Variants in ZNF716 observed in about 807,000 individuals in gnomAD.
The protein encoded by ZNF716 is zinc finger protein 716.
A neutral mutation model predicts 13.4 loss-of-function variants in ZNF716; 9 were observed. The observed-to-expected ratio is 0.67, with a 90% CI of 0.41 to 1.18. The LOEUF is 1.18. Among genes scored for constraint, ZNF716 ranks in the 50% most tolerant of loss-of-function variants. The probability of loss-of-function intolerance (pLI) is 0.01; values close to 1 mark genes in which losing one functional copy is unlikely to be tolerated. For synonymous variants in ZNF716, 186 were observed against 195.2 expected (o/e 0.95, Z 0.39); for missense variants, 581 against 576.6 (o/e 1.01, Z -0.08).
intron 2 of ZNF716, 102 bp downstream of exon 2, chr7:57,462,688 C>A (rs1340984726): frequency 3.0e-6 from 4 of 1,336,720 alleles, no homozygotes; most frequent in African/African-American, 2.9e-5. Flanking sequence ...TTTAGCTCTC[C>A]AGTTTTAAGA....
At chr7:57,450,437 G>A (rs1789465530) in intron 1 of ZNF716, 110 bp downstream of exon 1, 8 of 1,586,938 alleles carry the variant, frequency 5.0e-6, no homozygotes, top group Non-Finnish European at 6.9e-6. Flanking sequence ...GGAGTCTGAG[G>A]ACCCAAATCC....
Position 57,473,523 on chromosome 7 carries a change from A to AT in ZNF716, c.*3574_*3575insT, listed in dbSNP as rs11434840. Reference sequence around the variant, plus strand: ...TGAAAGAGCGAGAAACCATCTCAAAAAAAAAAATAAATAAATAAAAGATAT... The same window carrying AT: ...TGAAAGAGCGAGAAACCATCTCAAAATAAAAAAATAAATAAATAAAAGATAT... On this transcript the variant is annotated 3_prime_UTR_variant, in exon 4 of 4. Coordinates refer to ENST00000420713, the MANE Select transcript of ZNF716 (RefSeq NM_001159279.1). 0.38 allele frequency: 58,030 copies of AT among 151,594 alleles called. 11,277 individuals carry two copies. Among genetic ancestry groups the AT allele is most frequent in the East Asian group, 0.51 (2,639 of 5,148 alleles). The allele number at this position is 151,594 out of a possible 1,614,324, so 9.4% of individuals were successfully genotyped here. A position where few individuals can be genotyped will look rare whatever the true frequency, so the allele number is the denominator to read the frequency against.
Position 57,470,067 on chromosome 7 carries a change from CATAAG to C in ZNF716, c.*123_*127del. On this transcript the variant is annotated 3_prime_UTR_variant, in exon 4 of 4. Coordinates refer to ENST00000420713, the MANE Select transcript of ZNF716 (RefSeq NM_001159279.1). ...TAACCAGTTCCAAACCACTGCTGTC[CATAAG>C]ATAATTCATATTGGACAAAAGTCTT... is the stretch of plus-strand genomic sequence containing the variant. 1 of 983,718 alleles carries C rather than the reference CATAAG, an allele frequency of 1.0e-6. No homozygotes were observed. Among genetic ancestry groups the C allele is most frequent in the South Asian group, 2.0e-5 (1 of 50,000 alleles). The allele number at this position is 983,718 out of a possible 1,614,324, so 60.9% of individuals were successfully genotyped here.
At position 57,459,988 on chromosome 7, in the gene ZNF716, G is replaced by T. The variant is rs1167446159; in HGVS notation, c.40-2472G>T. Among the ~76,000 whole-genome samples the T allele has an allele frequency of 5.2e-5, 6 of 114,774 alleles. No homozygotes were observed. The Admixed American group carries it at 5.7e-4, about 11-fold the overall frequency. 75.3% of individuals were successfully genotyped at this position (114,774 alleles called of 152,430 possible). On this transcript the variant is annotated intron_variant, in intron 1 of 3. Coordinates refer to ENST00000420713, the MANE Select transcript of ZNF716 (RefSeq NM_001159279.1). ...TGCTTTAAAGGCATATTCTCAAGATGCAGGTTTGATATGTTCCAGAGCATC... is the reference window on the plus strand; with the variant it reads ...TGCTTTAAAGGCATATTCTCAAGATTCAGGTTTGATATGTTCCAGAGCATC...
intron 1 of ZNF716, among the ~76,000 whole-genome samples, chr7:57,451,491 A>C (rs1343924380): frequency 4.1e-5 from 5 of 123,344 alleles, no homozygotes; most frequent in African/African-American, 1.6e-4. Flanking sequence ...AATGTTGCCC[A>C]AGCTGGAGTT....
At chr7:57,458,444 T>G (rs1789643684) in intron 1 of ZNF716, among the ~76,000 whole-genome samples, 1 of 151,958 alleles carries the variant, frequency 6.6e-6, no homozygotes, top group Non-Finnish European at 1.5e-5. Flanking sequence ...TTTTCTGACA[T>G]GGAGTTTCAC....
Position 57,469,522 on chromosome 7 carries a change from G to A in ZNF716, c.1061G>A (p.Cys354Tyr). Residue 354 changes from cysteine (C) to tyrosine (Y), a missense_variant, in exon 4 of 4, where the codon TGT becomes TAT. By Grantham distance (194) the Cys-to-Tyr change is radical. Transcript: ENST00000420713. ...CATACTGGGGAGAAACTCTACACATGTGAAGAATGTGGGAAAGCCTTTACC... is the reference window on the plus strand; with the variant it reads ...CATACTGGGGAGAAACTCTACACATATGAAGAATGTGGGAAAGCCTTTACC... Reference protein sequence around the residue: ...IVHTGEKLYTCEECGKAFTFS... With the variant: ...IVHTGEKLYTYEECGKAFTFS... The A allele has an allele frequency of 1.2e-6, 2 of 1,610,630 alleles. No individual in the cohort carries two copies. The highest frequency in any genetic ancestry group is 1.7e-6 in the Non-Finnish European group (2 of 1,178,318).
rs543068955 is a variant in ZNF716, at chr7:57,470,659, A to G, written c.*710A>G. On this transcript the variant is annotated 3_prime_UTR_variant, in exon 4 of 4. Coordinates refer to ENST00000420713, the MANE Select transcript of ZNF716 (RefSeq NM_001159279.1). ...ATGGAAATGTCTTTTAAAAGTCCTC[A>G]AACTTTTTGTTTGAATAAATGTAAA... is the stretch of plus-strand genomic sequence containing the variant. The G allele has an allele frequency of 8.5e-5, 13 of 152,238 alleles. No homozygotes were observed. The highest frequency in any genetic ancestry group is 2.9e-4 in the African/African-American group (12 of 41,526). 9.4% of individuals were successfully genotyped at this position (152,238 alleles called of 1,614,324 possible). A position where few individuals can be genotyped will look rare whatever the true frequency, so the allele number is the denominator to read the frequency against.
rs115666262 is a variant in ZNF716, at chr7:57,470,429, C to G, written c.*480C>G. 738 of 157,242 alleles carry G rather than the reference C, an allele frequency of 4.7e-3. 8 individuals are homozygous for G. The highest frequency in any genetic ancestry group is 0.017 in the African/African-American group (708 of 41,506). The allele number at this position is 157,242 out of a possible 1,614,324, so 9.7% of individuals were successfully genotyped here. ...ACCACCTGCCTCAGCCTCCCAAAGCCTAAGAGAATTTATATTAGAGAGACT... is the reference window on the plus strand; with the variant it reads ...ACCACCTGCCTCAGCCTCCCAAAGCGTAAGAGAATTTATATTAGAGAGACT... On this transcript the variant is annotated 3_prime_UTR_variant, in exon 4 of 4. Transcript: ENST00000420713.
intron 1 of ZNF716, 57 bp downstream of exon 1, chr7:57,450,384 A>G: frequency 1.2e-6 from 2 of 1,613,512 alleles, no homozygotes; most frequent in Non-Finnish European, 1.7e-6. Context: ...GAACTGACTG[A>G]AAGTGGCTGT....
At chr7:57,450,709 A>AT (rs200881366) in intron 1 of ZNF716, among the ~76,000 whole-genome samples, 2,438 of 152,016 alleles carry the variant, frequency 0.016, 53 homozygotes, top group African/African-American at 0.055. Flanking sequence ...CTAGTTCCTC[A>AT]TTTTTTCTTT....
At chr7:57,454,107 A>G (rs1789544617) in intron 1 of ZNF716, among the ~76,000 whole-genome samples, 1 of 152,228 alleles carries the variant, frequency 6.6e-6, no homozygotes, top group Non-Finnish European at 1.5e-5. Context: ...TGTTGGGATT[A>G]CAGGCATGAG....
chr7:57,468,029 T>A (rs1789846499), intron 3 of ZNF716, among the ~76,000 whole-genome samples: 1 of 152,190 alleles, frequency 6.6e-6, no homozygotes, highest in Admixed American at 6.5e-5. Context: ...TTTCACGATC[T>A]TTATAATGCA....
In ZNF716 at chr7:57,468,978, A is replaced by T. The variant is rs781953250; in HGVS notation, c.517A>T (p.Asn173Tyr). Residue 173 changes from asparagine to tyrosine, a missense_variant, in exon 4 of 4, where the codon AAT becomes TAT. Coordinates refer to ENST00000420713, the MANE Select transcript of ZNF716 (RefSeq NM_001159279.1). Reference sequence around the variant, plus strand: ...AGTCTTTGGTAAATTTTCAAATTCCAATAGACACAAGACAAGACATACTGG... The same window carrying T: ...AGTCTTTGGTAAATTTTCAAATTCCTATAGACACAAGACAAGACATACTGG... The part of the protein sequence containing the change: ...VKVFGKFSNS[N>Y]RHKTRHTGKK... 5 of 1,608,150 alleles carry T rather than the reference A, an allele frequency of 3.1e-6. No individual in the cohort carries two copies.
chr7:57,467,587 CAG>C (rs1789839287), intron 3 of ZNF716, among the ~76,000 whole-genome samples: 1 of 152,034 alleles, frequency 6.6e-6, no homozygotes, highest in South Asian at 2.1e-4. Flanking sequence ...CTAGTTGTCT[CAG>C]GGGACTATGC....
chr7:57,472,858 T>G lies in ZNF716; in HGVS notation c.*2909T>G, dbSNP rs1789970625. Reference sequence around the variant, plus strand: ...TTACCTTATTTAATTTTTTTTTAATTTTTGTGGGTAGTGTGCATACACACT... The same window carrying G: ...TTACCTTATTTAATTTTTTTTTAATGTTTGTGGGTAGTGTGCATACACACT... On this transcript the variant is annotated 3_prime_UTR_variant, in exon 4 of 4. Transcript: ENST00000420713. The G allele has an allele frequency of 6.6e-6, 1 of 152,148 alleles. No homozygotes were observed. The highest frequency in any genetic ancestry group is 1.5e-5 in the Non-Finnish European group (1 of 68,044). 9.4% of individuals were successfully genotyped at this position (152,148 alleles called of 1,614,324 possible).
rs1789902853 is a variant in ZNF716 at position 57,470,167 on chromosome 7, T to G, written c.*218T>G. The G allele has an allele frequency of 4.6e-6, 2 of 434,508 alleles. No individual in the cohort carries two copies. The highest frequency in any genetic ancestry group is 7.5e-6 in the Non-Finnish European group (2 of 266,118). The allele number at this position is 434,508 out of a possible 1,614,324, so 26.9% of individuals were successfully genotyped here. On this transcript the variant is annotated 3_prime_UTR_variant, in exon 4 of 4. Transcript: ENST00000420713. ...CCTTAATGAACCCAAGAGAATTTAT[T>G]TAAAAAAATTTTTTTGAGACAGAGT...
At chr7:57,460,261 A>G (rs1432498054) in intron 1 of ZNF716, among the ~76,000 whole-genome samples, 1 of 151,868 alleles carries the variant, frequency 6.6e-6, no homozygotes, top group African/African-American at 2.4e-5. Context: ...TGAGAGTGGT[A>G]GCATGCACCT....
rs782737046 is a variant in ZNF716, at chr7:57,462,485, C to T, written c.65C>T (p.Ala22Val). ...GGACTGTTGACATTCAGAGACATAG[C>T]TATAGAATTTTCTCTGGCGGAATGG... Reference protein sequence around the residue: ...EMGLLTFRDIAIEFSLAEWQC... With the variant: ...EMGLLTFRDIVIEFSLAEWQC... The change falls in exon 2 of 4, where the codon GCT (alanine) becomes GTT (valine). Residue 22 changes from alanine (A) to valine (V), a missense_variant. Transcript: ENST00000420713. 18 of 1,613,708 alleles carry T rather than the reference C, an allele frequency of 1.1e-5. No individual in the cohort carries two copies. The highest frequency in any genetic ancestry group is 1.5e-5 in the Non-Finnish European group (18 of 1,179,950).
Sources: gnomAD v4.1 joint callset for allele counts (sites outside exome capture counted in the v4.1 genomes callset) on GRCh38, gnomAD v4.1.1 for gene constraint, MANE v1.5 for transcripts, NCBI Gene and HGNC (gene_info 2026-07-23, HGNC 2026-07-21) for gene names.